The following HMOX1 variants were observed in gnomAD, a reference collection of about 807,000 sequenced individuals.
HMOX1 encodes heme oxygenase 1.
HMOX1 carries 22 observed loss-of-function variants against 27.8 expected under a neutral mutation model. The observed-to-expected ratio is 0.79, with a 90% CI of 0.57 to 1.13. The LOEUF (loss-of-function observed/expected upper bound fraction) is 1.13, where lower values mean the gene tolerates loss of function less well. Among genes scored for constraint, HMOX1 ranks in the 50% most tolerant of loss-of-function variants. The probability of loss-of-function intolerance (pLI) is 0.00; values close to 1 mark genes in which losing one functional copy is unlikely to be tolerated. For synonymous variants in HMOX1, 153 were observed against 151.6 expected (o/e 1.01, Z -0.07); for missense variants, 379 against 377.7 (o/e 1.00, Z -0.03).
At chr22:35,382,021 C>T (rs1569054652) in intron 1 of HMOX1, among the ~76,000 whole-genome samples, 4 of 152,276 alleles carry the variant, frequency 2.6e-5, no homozygotes, top group Admixed American at 6.5e-5. Flanking sequence ...TTAACCCTGA[C>T]GCCTTCATGA....
intron 3 of HMOX1, 64 bp from the exon 4 acceptor site, chr22:35,389,800 A>G: frequency 6.3e-6 from 7 of 1,119,252 alleles, no homozygotes; most frequent in South Asian, 2.6e-5. Flanking sequence ...TTAAGGTCCT[A>G]CCTTCAGCTG....
rs1279625350 is a variant in HMOX1 at position 35,393,606 on chromosome 22, C to T, written c.*8C>T. On this transcript the variant is annotated 3_prime_UTR_variant, in exon 5 of 5. Coordinates refer to ENST00000216117, the MANE Select transcript of HMOX1 (RefSeq NM_002133.3). ...GGGCTTTATGCCATGTGAATGCAGGCATGCTGGCTCCCAGGGCCATGAACT... is the reference window on the plus strand; with the variant it reads ...GGGCTTTATGCCATGTGAATGCAGGTATGCTGGCTCCCAGGGCCATGAACT... 6.2e-7 allele frequency: 1 copy of T among 1,614,096 alleles called. No homozygotes were observed. Among genetic ancestry groups the T allele is most frequent in the Non-Finnish European group, 8.5e-7 (1 of 1,179,952 alleles).
intron 2 of HMOX1, among the ~76,000 whole-genome samples, chr22:35,386,393 G>A (rs1931503080): frequency 6.6e-6 from 1 of 152,222 alleles, no homozygotes; most frequent in Admixed American, 6.6e-5. Context: ...AGGGGTTTGA[G>A]CCACCACACT....
chr22:35,381,991 A>T (rs4820192), intron 1 of HMOX1, among the ~76,000 whole-genome samples: 2 of 152,060 alleles, frequency 1.3e-5, no homozygotes, highest in Admixed American at 6.5e-5. Flanking sequence ...CTTTGACTAA[A>T]GCAGACTTTC....
At chr22:35,384,582 G>T (rs887714050) in intron 2 of HMOX1, among the ~76,000 whole-genome samples, 1 of 151,850 alleles carries the variant, frequency 6.6e-6, no homozygotes, top group Non-Finnish European at 1.5e-5. Flanking sequence ...TTAGACTTTG[G>T]ATTTTGCCTC....
rs1287483247 is a variant in HMOX1, at chr22:35,381,102, T to C, written c.-72T>C. 2.0e-6 allele frequency: 3 copies of C among 1,526,612 alleles called. No homozygotes were observed. Among genetic ancestry groups the C allele is most frequent in the African/African-American group, 1.4e-5 (1 of 72,828 alleles). The allele number at this position is 1,526,612 out of a possible 1,614,324, so 94.6% of individuals were successfully genotyped here. ...GGCCGCGGCTCCGGCAGTCAACGCC[T>C]GCCTCCTCTCGAGCGTCCTCAGCGC... On this transcript the variant is annotated 5_prime_UTR_variant, in exon 1 of 5. Coordinates refer to ENST00000216117, the MANE Select transcript of HMOX1 (RefSeq NM_002133.3).
In HMOX1 at chr22:35,383,143, A is replaced by C; in HGVS notation, c.61A>C (p.Thr21Pro). 6.2e-7 allele frequency: 1 copy of C among 1,613,840 alleles called. No individual in the cohort carries two copies. Among genetic ancestry groups the C allele is most frequent in the Non-Finnish European group, 8.5e-7 (1 of 1,179,810 alleles). ...QDLSEALKEA[T>P]KEVHTQAENA... ...TTTGTCAGAGGCCCTGAAGGAGGCCACCAAGGAGGTGCACACCCAGGCAGA... is the reference window on the plus strand; with the variant it reads ...TTTGTCAGAGGCCCTGAAGGAGGCCCCCAAGGAGGTGCACACCCAGGCAGA... Residue 21 changes from threonine (T) to proline (P), a missense_variant, in exon 2 of 5, where the codon ACC (threonine) becomes CCC (proline). Physicochemically the swap from Thr to Pro is conservative, Grantham distance 38. Transcript: ENST00000216117.
intron 3 of HMOX1, among the ~76,000 whole-genome samples, chr22:35,389,490 T>C (rs888383739): frequency 6.7e-6 from 1 of 149,672 alleles, no homozygotes; most frequent in African/African-American, 2.5e-5. Flanking sequence ...TCACCCGGGC[T>C]GGAGTGCAAT....
chr22:35,385,708 T>A (rs1931484964), intron 2 of HMOX1, among the ~76,000 whole-genome samples: 1 of 146,060 alleles, frequency 6.8e-6, no homozygotes, highest in Non-Finnish European at 1.5e-5. Flanking sequence ...CACTGCCTCC[T>A]GGGTTCAAGC....
At chr22:35,393,445 C>T (rs376120521) in intron 4 of HMOX1, 23 bp from the exon 5 acceptor site, 25 of 1,613,982 alleles carry the variant, frequency 1.5e-5, no homozygotes, top group African/African-American at 4.0e-5. Flanking sequence ...CTGTTAATGA[C>T]CTTGCCCCAT....
chr22:35,388,785 A>G (rs1931573258), intron 3 of HMOX1, among the ~76,000 whole-genome samples: 1 of 150,368 alleles, frequency 6.7e-6, no homozygotes, highest in Admixed American at 6.6e-5. Flanking sequence ...AGACAGAGTG[A>G]GACTCCGTAT....
At chr22:35,381,582 C>T (rs960211836) in intron 1 of HMOX1, among the ~76,000 whole-genome samples, 1 of 151,920 alleles carries the variant, frequency 6.6e-6, no homozygotes, top group African/African-American at 2.4e-5. Context: ...GGCATCTGTC[C>T]CTCACTAGCT....
In HMOX1 at chr22:35,386,790, C is replaced by T. The variant is rs1931517382; in HGVS notation, c.250C>T (p.His84Tyr). 1 of 1,614,116 alleles carries T rather than the reference C, an allele frequency of 6.2e-7. No individual in the cohort carries two copies. Among genetic ancestry groups the T allele is most frequent in the African/African-American group, 1.3e-5 (1 of 74,940 alleles). The change falls in exon 3 of 5, where the codon CAC (histidine) becomes TAC (tyrosine). Residue 84 changes from histidine to tyrosine, a missense_variant. Transcript: ENST00000216117. ...FAPVYFPEEL[H>Y]RKAALEQDLA... ...CCCTGTCTACTTCCCAGAAGAGCTG[C>T]ACCGCAAGGCTGCCCTGGAGCAGGA...
chr22:35,387,088 G>A lies in HMOX1; in HGVS notation c.548G>A (p.Arg183His). The A allele has an allele frequency of 2.5e-6, 4 of 1,613,572 alleles. No homozygotes were observed. Among genetic ancestry groups the A allele is most frequent in the South Asian group, 1.1e-5 (1 of 91,078 alleles). The change falls in exon 3 of 5, where the codon CGC (arginine) becomes CAC (histidine). Residue 183 changes from arginine (R) to histidine (H), a missense_variant. Physicochemically the swap from Arg to His is conservative, Grantham distance 29. Coordinates refer to ENST00000216117, the MANE Select transcript of HMOX1 (RefSeq NM_002133.3). ...ASATKFKQLYRSRMNSLEMTP... is the reference protein window; with the variant it reads ...ASATKFKQLYHSRMNSLEMTP... Reference sequence around the variant, plus strand: ...GCCACCAAGTTCAAGCAGCTCTACCGCTCCCGCATGAACTCCCTGGAGATG... The same window carrying A: ...GCCACCAAGTTCAAGCAGCTCTACCACTCCCGCATGAACTCCCTGGAGATG...
At chr22:35,389,299 CTT>C (rs1421620706) in intron 3 of HMOX1, among the ~76,000 whole-genome samples, 1 of 69,478 alleles carries the variant, frequency 1.4e-5, no homozygotes, top group Non-Finnish European at 2.7e-5. Flanking sequence ...CTTCTTTCTT[CTT>C]TCTTTCTTTC....
At chr22:35,387,349 C>T (rs1350733245) in intron 3 of HMOX1, among the ~76,000 whole-genome samples, 173 bp downstream of exon 3, 2 of 152,336 alleles carry the variant, frequency 1.3e-5, no homozygotes, top group East Asian at 3.9e-4. Flanking sequence ...TCTCTCTGTA[C>T]CTCAGTTTCC....
In HMOX1 at chr22:35,385,609, C is replaced by CT. The variant is rs71191362; in HGVS notation, c.145-1054dup. Among the ~76,000 whole-genome samples, 289 of 94,162 alleles carry CT rather than the reference C, an allele frequency of 3.1e-3. 6 individuals carry two copies. Among genetic ancestry groups the CT allele is most frequent in the Middle Eastern group, 7.0e-3 (1 of 142 alleles). 61.8% of individuals were successfully genotyped at this position (94,162 alleles called of 152,430 possible). ...CATGCACCCCCACAGCCATACCTGG[C>CT]TTTTTTTTTTTTTTTTTTTTTTCTG... On this transcript the variant is annotated intron_variant, in intron 2 of 4. Coordinates refer to ENST00000216117, the MANE Select transcript of HMOX1 (RefSeq NM_002133.3).
Position 35,387,014 on chromosome 22 carries a change from C to T in HMOX1, c.474C>T (p.Pro158=). The T allele has an allele frequency of 1.2e-6, 2 of 1,613,836 alleles. No individual in the cohort carries two copies. Among genetic ancestry groups the T allele is most frequent in the Non-Finnish European group, 1.7e-6 (2 of 1,180,040 alleles). Residue 158 remains proline (P), a synonymous_variant, in exon 3 of 5, where the codon CCC becomes CCT. Coordinates refer to ENST00000216117, the MANE Select transcript of HMOX1 (RefSeq NM_002133.3). ...TTGCCCAGAAAGCCCTGGACCTGCC[C>T]AGCTCTGGCGAGGGCCTGGCCTTCT... ...KKIAQKALDL[P]SSGEGLAFFT...
chr22:35,381,244 C>G (rs1207181016), intron 1 of HMOX1, 48 bp downstream of exon 1: 2 of 1,540,610 alleles, frequency 1.3e-6, no homozygotes, highest in Admixed American at 1.9e-5. Flanking sequence ...CTCTCCCAAC[C>G]CTGCTTGCGT....
Sources: gnomAD v4.1 joint callset for allele counts (sites outside exome capture counted in the v4.1 genomes callset) on GRCh38, gnomAD v4.1.1 for gene constraint, MANE v1.5 for transcripts, NCBI Gene and HGNC (gene_info 2026-07-23, HGNC 2026-07-21) for gene names.